The following RIF1 variants were observed in gnomAD, a reference collection of about 807,000 sequenced individuals.
The protein encoded by RIF1 is telomere-associated protein RIF1.
RIF1 carries 45 observed loss-of-function variants against 247.1 expected under a neutral mutation model. That is an observed-to-expected ratio of 0.18 (90% CI 0.14 to 0.23). The LOEUF is 0.23. RIF1 is among the 10% of genes least tolerant of loss of function. The pLI is 1.00. For missense variants in RIF1, 2,967 were observed against 2,862.5 expected (o/e 1.04, Z -0.83); for synonymous variants, 1,087 against 978.8 (o/e 1.11, Z -2.06).
At chr2:151,435,769 T>G (rs539556038) in intron 11 of RIF1, among the ~76,000 whole-genome samples, 189 bp downstream of exon 11, 20 of 149,120 alleles carry the variant, frequency 1.3e-4, no homozygotes, top group South Asian at 4.2e-4. Flanking sequence ...TGTTTTTTGT[T>G]TTTTTTTTTT....
rs61748234 is a variant in RIF1, at chr2:151,465,002, C to T, written c.5482C>T (p.Pro1828Ser). ...AGAAAACACTATGCAAGAATCTCTT[C>T]CTTCTGGAATAGTAAACTTTAGAGA... ...SKENTMQESL[P>S]SGIVNFREEI... Residue 1828 changes from proline (P) to serine (S), a missense_variant, in exon 30 of 36, where the codon CCT (proline) becomes TCT (serine). Physicochemically the swap from Pro to Ser is moderately conservative, Grantham distance 74. Coordinates refer to ENST00000444746, the MANE Select transcript of RIF1 (RefSeq NM_018151.5). 6.4e-3 allele frequency: 10,085 copies of T among 1,577,036 alleles called. 44 individuals carry two copies. Among genetic ancestry groups the T allele is most frequent in the Non-Finnish European group, 7.1e-3 (8,276 of 1,169,308 alleles).
rs545937015 is a variant in RIF1 at position 151,505,476 on chromosome 2, A to G, written c.*862-734A>G. The G allele has an allele frequency of 6.4e-5, 103 of 1,612,912 alleles. No individual in the cohort carries two copies. The highest frequency in any genetic ancestry group is 8.3e-5 in the Non-Finnish European group (98 of 1,179,056). On this transcript the variant is annotated intron_variant and NMD_transcript_variant, in intron 12 of 13. Coordinates refer to the RIF1 transcript ENST00000454583. ...AATGGAAGCTGAGAGTATGGCCACT[A>G]CCGAGCTAATGTGCTTCTGCGTCTC...
At chr2:151,534,385 G>A in the RIF1 span, 1 of 1,371,324 alleles carries the variant, frequency 7.3e-7, no homozygotes, top group South Asian at 1.2e-5. Context: ...AATGTCTCAA[G>A]GTAAACACTC....
intron 9 of RIF1, among the ~76,000 whole-genome samples, chr2:151,489,334 C>T (rs2054098816): frequency 6.6e-6 from 1 of 152,052 alleles, no homozygotes; most frequent in Non-Finnish European, 1.5e-5. Flanking sequence ...CTTACCATTT[C>T]TATATATATT....
Position 151,478,751 on chromosome 2 carries a change from CT to C in RIF1, c.*3683del. On this transcript the variant is annotated 3_prime_UTR_variant, in exon 36 of 36. Transcript: ENST00000444746. ...GTTAATTTTTTTCTTCCAACTTTGA[CT>C]TTAATTCAGTAAGAAAGGCCTAGGT... The C allele has an allele frequency of 6.6e-6, 1 of 151,948 alleles. No individual in the cohort carries two copies. Among genetic ancestry groups the C allele is most frequent in the South Asian group, 2.1e-4 (1 of 4,820 alleles). The allele number at this position is 151,948 out of a possible 1,614,324, so 9.4% of individuals were successfully genotyped here.
At chr2:151,494,569 G>C (rs1213514060) in intron 9 of RIF1, among the ~76,000 whole-genome samples, 3 of 152,172 alleles carry the variant, frequency 2.0e-5, no homozygotes, top group Non-Finnish European at 4.4e-5. Flanking sequence ...CCAAACAGGA[G>C]TTACAGGCAT....
rs1055920102 is a variant in RIF1, at chr2:151,478,782, T to C, written c.*3711T>C. 1 of 152,202 alleles carries C rather than the reference T, an allele frequency of 6.6e-6. No individual in the cohort carries two copies. Among genetic ancestry groups the C allele is most frequent in the African/African-American group, 2.4e-5 (1 of 41,450 alleles). The allele number at this position is 152,202 out of a possible 1,614,324, so 9.4% of individuals were successfully genotyped here. A position where few individuals can be genotyped will look rare whatever the true frequency, so the allele number is the denominator to read the frequency against. On this transcript the variant is annotated 3_prime_UTR_variant, in exon 36 of 36. Transcript: ENST00000444746. The stretch of plus-strand genomic sequence containing the variant: ...TTCAGTAAGAAAGGCCTAGGTTTCA[T>C]CTCATATTCTTCATAATTGATTTTC...
Position 151,438,069 on chromosome 2 carries a change from C to T in RIF1, c.1484-615C>T, listed in dbSNP as rs566656354. ...ATCCTTCTGAATCTCCGTGAACAAT[C>T]TCTGCCCCAAAAGTAGTGGGCATTC... On this transcript the variant is annotated intron_variant, in intron 13 of 35. Transcript: ENST00000444746. Among the ~76,000 whole-genome samples, 265 of 152,276 alleles carry T rather than the reference C, an allele frequency of 1.7e-3. 2 individuals carry two copies. Among genetic ancestry groups the T allele is most frequent in the African/African-American group, 6.1e-3 (254 of 41,560 alleles).
intron 26 of RIF1, 26 bp from the exon 27 acceptor site, chr2:151,461,112 A>G: frequency 2.5e-6 from 4 of 1,595,782 alleles, no homozygotes; most frequent in Non-Finnish European, 3.4e-6. Context: ...TAAAATGTAC[A>G]TTTGCTTATT....
At chr2:151,487,056 TG>T (rs1180994546), downstream of RIF1, among the ~76,000 whole-genome samples, 1 of 152,232 alleles carries the variant, frequency 6.6e-6, no homozygotes, top group Non-Finnish European at 1.5e-5. Flanking sequence ...TGTGTGTGTG[TG>T]CGCATGTGCG....
chr2:151,519,745 A>T, the RIF1 span: 1 of 1,612,206 alleles, frequency 6.2e-7, no homozygotes, highest in Non-Finnish European at 8.5e-7. Flanking sequence ...CCTTTTCTTT[A>T]TCGAAATTTT....
chr2:151,439,525 A>T (rs889993393), intron 14 of RIF1, among the ~76,000 whole-genome samples: 2 of 151,822 alleles, frequency 1.3e-5, no homozygotes, highest in Admixed American at 6.6e-5. Flanking sequence ...TTAGCCAGAC[A>T]TGGTGGTGCA....
chr2:151,473,913 A>G, intron 34 of RIF1, 51 bp from the exon 35 acceptor site: 2 of 920,282 alleles, frequency 2.2e-6, no homozygotes, highest in East Asian at 2.4e-5. Context: ...TAAAGTTTCA[A>G]TTTGTTGTTG....
intron 30 of RIF1, among the ~76,000 whole-genome samples, chr2:151,467,798 A>AAT (rs1418077063): frequency 6.6e-6 from 1 of 152,110 alleles, no homozygotes; most frequent in African/African-American, 2.4e-5. Flanking sequence ...GACAGTTTAA[A>AAT]ATATAGAAAA....
chr2:151,445,769 C>T (rs1244217635), intron 19 of RIF1, among the ~76,000 whole-genome samples: 1 of 152,034 alleles, frequency 6.6e-6, no homozygotes, highest in African/African-American at 2.4e-5. Flanking sequence ...TTTCACCTGA[C>T]CTCAAGTGAT....
intron 11 of RIF1, among the ~76,000 whole-genome samples, chr2:151,436,298 A>AG (rs1691191300): frequency 6.6e-6 from 1 of 152,100 alleles, no homozygotes. Context: ...CTCAGCATTT[A>AG]GGGGGCTGAG....
intron 19 of RIF1, 91 bp downstream of exon 19, chr2:151,445,536 G>T: frequency 3.5e-5 from 27 of 762,164 alleles, no homozygotes; most frequent in African/African-American, 8.9e-5. Flanking sequence ...ACAATGATTT[G>T]TTTTTCTTTT....
At chr2:151,514,520 TA>T in the RIF1 span, 1 of 1,027,870 alleles carries the variant, frequency 9.7e-7, no homozygotes, top group African/African-American at 1.6e-5. Context: ...TTCCAATTTT[TA>T]AAGGGTTCAC....
chr2:151,418,220 T>C (rs926188813), intron 6 of RIF1, among the ~76,000 whole-genome samples: 1 of 152,236 alleles, frequency 6.6e-6, no homozygotes, highest in African/African-American at 2.4e-5. Flanking sequence ...TAACTTTATT[T>C]TTTTGAGACA....
Sources: allele counts gnomAD v4.1 joint callset (sites outside exome capture counted in the v4.1 genomes callset), GRCh38; gene constraint gnomAD v4.1.1; transcripts MANE v1.5; gene names NCBI Gene and HGNC (gene_info 2026-07-23, HGNC 2026-07-21).